The following CLIP1 variants were observed in gnomAD, a reference collection of about 807,000 sequenced individuals.
CLIP1 encodes CAP-Gly domain-containing linker protein 1.
CLIP1 carries 66 observed loss-of-function variants against 161.6 expected under a neutral mutation model. The observed-to-expected ratio is 0.41, with a 90% CI of 0.33 to 0.50. The LOEUF (loss-of-function observed/expected upper bound fraction) is 0.50. Among genes scored for constraint, CLIP1 ranks in the 20% least tolerant of loss-of-function variants. The pLI is 0.27. For missense variants in CLIP1, 1,376 were observed against 1,702.0 expected (o/e 0.81, Z 3.37); for synonymous variants, 598 against 626.2 (o/e 0.96, Z 0.67).
intron 20 of CLIP1, among the ~76,000 whole-genome samples, chr12:122,289,810 T>TG (rs1170613137): frequency 2.0e-5 from 3 of 151,102 alleles, no homozygotes; most frequent in Non-Finnish European, 4.4e-5. Context: ...TTAATGTTTT[T>TG]TTTTTTTTTT....
At chr12:122,404,596 T>C (rs1045278429) in intron 1 of CLIP1, among the ~76,000 whole-genome samples, 1 of 149,778 alleles carries the variant, frequency 6.7e-6, no homozygotes, top group South Asian at 2.1e-4. Context: ...CAAGACTCCA[T>C]CTGAAAACAA....
At chr12:122,288,940 C>CG (rs910760593) in intron 20 of CLIP1, among the ~76,000 whole-genome samples, 6 of 149,776 alleles carry the variant, frequency 4.0e-5, no homozygotes, top group Admixed American at 4.0e-4. Context: ...CTCAGCCTCC[C>CG]GAGTAGCTGG....
intron 1 of CLIP1, among the ~76,000 whole-genome samples, chr12:122,402,695 G>A (rs1008269794): frequency 2.0e-5 from 3 of 151,856 alleles, no homozygotes; most frequent in Non-Finnish European, 4.4e-5. Flanking sequence ...AGAATTGCTT[G>A]AACCCAGGAG....
Position 122,390,282 on chromosome 12 carries a change from ATATATATATATATATATATATG to A in CLIP1, c.-106-9746_-106-9725del, listed in dbSNP as rs1168306537. Among the ~76,000 whole-genome samples the A allele has an allele frequency of 3.2e-3, 100 of 31,054 alleles. 1 individual carries two copies. The highest frequency in any genetic ancestry group is 5.3e-3 in the African/African-American group (84 of 15,822). 20.4% of individuals were successfully genotyped at this position (31,054 alleles called of 152,430 possible). ...TATACACACACATATATATATACAT[ATATATATATATATATATATATG>A]TATATATATATATATTATTTTTTTT... On this transcript the variant is annotated intron_variant, in intron 1 of 25. Coordinates refer to ENST00000620786, the MANE Select transcript of CLIP1 (RefSeq NM_001247997.2).
intron 4 of CLIP1, among the ~76,000 whole-genome samples, chr12:122,362,729 A>T (rs1953928818): frequency 2.5e-5 from 3 of 121,496 alleles, no homozygotes; most frequent in Admixed American, 8.4e-5. Context: ...AAAAAAAAAA[A>T]GATAAAGTAC....
At chr12:122,274,284 G>A (rs1308280975) in intron 24 of CLIP1, 122 bp from the exon 25 acceptor site, 12 of 720,186 alleles carry the variant, frequency 1.7e-5, no homozygotes, top group Admixed American at 7.3e-5. Flanking sequence ...GGCCAACAGC[G>A]GCTATTAGGA....
At chr12:122,322,759 T>C (rs1951562151) in intron 17 of CLIP1, 1 of 152,692 alleles carries the variant, frequency 6.5e-6, no homozygotes, top group Non-Finnish European at 1.5e-5. Flanking sequence ...ACTGCTGCAT[T>C]TCCTGGATCT....
intron 9 of CLIP1, among the ~76,000 whole-genome samples, chr12:122,350,047 G>T (rs1275485704): frequency 6.6e-6 from 1 of 151,918 alleles, no homozygotes; most frequent in Non-Finnish European, 1.5e-5. Flanking sequence ...TGGGATTACA[G>T]GTGCGTGCCA....
At chr12:122,402,881 TA>T (rs1956190384) in intron 1 of CLIP1, among the ~76,000 whole-genome samples, 1 of 152,208 alleles carries the variant, frequency 6.6e-6, no homozygotes, top group African/African-American at 2.4e-5. Flanking sequence ...TCTTTTTTCA[TA>T]ATAGATCTTT....
intron 1 of CLIP1, among the ~76,000 whole-genome samples, chr12:122,387,450 G>T (rs1453056218): frequency 2.8e-5 from 3 of 109,012 alleles, no homozygotes; most frequent in Non-Finnish European, 3.9e-5. Flanking sequence ...TTGTGGAGGC[G>T]GGGGGGAGGA....
chr12:122,358,090 A>G (rs1354708889), intron 5 of CLIP1, among the ~76,000 whole-genome samples: 1 of 152,204 alleles, frequency 6.6e-6, no homozygotes, highest in Non-Finnish European at 1.5e-5. Context: ...TTTGCTCTGT[A>G]CTAAGAAAAA....
chr12:122,278,479 G>T, intron 23 of CLIP1: 1 of 543,692 alleles, frequency 1.8e-6, no homozygotes, highest in African/African-American at 1.9e-5. Context: ...AATGTACAGA[G>T]GCAATCCACC....
intron 2 of CLIP1, among the ~76,000 whole-genome samples, chr12:122,379,638 C>T (rs9804908): frequency 0.99 from 150,997 of 152,040 alleles, 74,988 homozygotes; most frequent in East Asian, 1. Context: ...TAAAATTTTA[C>T]GTCTTTCAAT....
chr12:122,329,870 C>T (rs1353566743), intron 15 of CLIP1, among the ~76,000 whole-genome samples: 1 of 152,140 alleles, frequency 6.6e-6, no homozygotes, highest in Non-Finnish European at 1.5e-5. Flanking sequence ...GTAATCCCTG[C>T]ACTTTGGGAG....
rs941345214 is a variant in CLIP1, at chr12:122,302,956, T to C, written c.3594+6806A>G. On this transcript the variant is annotated intron_variant, in intron 20 of 25. Transcript: ENST00000620786. ...TATGTTGCCCAGGCTGGTCTTGAAC[T>C]CCTAAGCTCAAACAGTCTCCTGGCT... 4.6e-5 allele frequency among the ~76,000 whole-genome samples: 7 copies of C among 152,086 alleles called. No homozygotes were observed. In the East Asian group the frequency reaches 1.4e-3, roughly 29 times the overall value.
chr12:122,345,227 T>G (rs1277831049), intron 10 of CLIP1, among the ~76,000 whole-genome samples: 3 of 151,108 alleles, frequency 2.0e-5, no homozygotes, highest in African/African-American at 4.9e-5. Context: ...CAGGCTGGAG[T>G]GCAGAGACAT....
At chr12:122,275,403 G>T (rs903586866) in intron 24 of CLIP1, 1 of 151,994 alleles carries the variant, frequency 6.6e-6, no homozygotes, top group Non-Finnish European at 1.5e-5. Flanking sequence ...CTGAGGTCAG[G>T]AGTTCAAGAC....
At chr12:122,276,868 G>A (rs1190155250) in intron 24 of CLIP1, 2 of 166,874 alleles carry the variant, frequency 1.2e-5, no homozygotes, top group African/African-American at 2.4e-5. Context: ...CCCATGTTGC[G>A]CAGGCTGGTC....
intron 21 of CLIP1, among the ~76,000 whole-genome samples, chr12:122,286,653 A>G (rs749356393): frequency 1.3e-5 from 2 of 151,776 alleles, no homozygotes; most frequent in Non-Finnish European, 2.9e-5. Flanking sequence ...TTCTAAATTT[A>G]AAAAAAGGAA....
Sources: gnomAD v4.1 joint callset for allele counts (sites outside exome capture counted in the v4.1 genomes callset) on GRCh38, gnomAD v4.1.1 for gene constraint, MANE v1.5 for transcripts, NCBI Gene and HGNC (gene_info 2026-07-23, HGNC 2026-07-21) for gene names.